Variants in E2F6 observed in about 807,000 individuals in gnomAD.
The protein encoded by E2F6 is E2F transcription factor 6.
E2F6 carries 19 observed loss-of-function variants against 31.5 expected under a neutral mutation model. That is an observed-to-expected ratio of 0.60 (90% CI 0.42 to 0.89). The LOEUF (loss-of-function observed/expected upper bound fraction) is 0.89, where lower values mean the gene tolerates loss of function less well. E2F6 is among the 40% of genes least tolerant of loss of function. The pLI, the probability that E2F6 is intolerant of heterozygous loss-of-function variation, is 0.00. For synonymous variants in E2F6, 121 were observed against 127.7 expected (o/e 0.95, Z 0.36); for missense variants, 269 against 341.6 (o/e 0.79, Z 1.67).
intron 1 of E2F6, among the ~76,000 whole-genome samples, chr2:11,464,669 C>T (rs926051264): frequency 2.0e-5 from 3 of 152,002 alleles, no homozygotes; most frequent in East Asian, 3.9e-4. Flanking sequence ...TGGAGTTAGA[C>T]ATTTGGAGCT....
intron 2 of E2F6, among the ~76,000 whole-genome samples, chr2:11,454,636 G>C (rs1435378515): frequency 6.6e-6 from 1 of 151,954 alleles, no homozygotes; most frequent in African/African-American, 2.4e-5. Flanking sequence ...GGCATTAAGA[G>C]CCACCGCGGC....
chr2:11,446,635 G>C, intron 6 of E2F6, 112 bp from the exon 7 acceptor site: 2 of 870,234 alleles, frequency 2.3e-6, no homozygotes, highest in South Asian at 3.2e-5. Context: ...AAACCCTGAA[G>C]ATGCCTGGTC....
chr2:11,457,288 A>T lies in E2F6; in HGVS notation c.109-55T>A, dbSNP rs903722099. ...GTGATTTTAAAACAACAATGCAAAC[A>T]AATAGCATTTTACTCAATAGTATAA... On this transcript the variant is annotated intron_variant, in intron 1 of 6. Coordinates refer to ENST00000381525, the MANE Select transcript of E2F6 (RefSeq NM_198256.4). The T allele has an allele frequency of 4.6e-6, 5 of 1,098,852 alleles. No individual in the cohort carries two copies. In the East Asian group the frequency reaches 1.2e-4, roughly 26 times the overall value. The allele number at this position is 1,098,852 out of a possible 1,614,324, so 68.1% of individuals were successfully genotyped here.
At chr2:11,455,385 ATTTAG>A (rs1431015017) in intron 2 of E2F6, 3 of 1,257,586 alleles carry the variant, frequency 2.4e-6, no homozygotes, top group East Asian at 5.6e-5. Context: ...ACAATGTCAC[ATTTAG>A]TTTAAAGACC....
chr2:11,453,272 G>C (rs891829844), intron 3 of E2F6, among the ~76,000 whole-genome samples: 1 of 151,852 alleles, frequency 6.6e-6, no homozygotes, highest in African/African-American at 2.4e-5. Flanking sequence ...CTTTCCCTCA[G>C]ACCTACCGAA....
At position 11,453,801 on chromosome 2, in the gene E2F6, G is replaced by A; in HGVS notation, c.164-3C>T. The A allele has an allele frequency of 8.7e-6, 14 of 1,606,924 alleles. No individual in the cohort carries two copies. The highest frequency in any genetic ancestry group is 1.2e-5 in the Non-Finnish European group (14 of 1,176,840). On this transcript the variant is annotated splice_polypyrimidine_tract_variant and splice_region_variant and intron_variant, in intron 2 of 6. Coordinates refer to ENST00000381525, the MANE Select transcript of E2F6 (RefSeq NM_198256.4). The stretch of plus-strand genomic sequence containing the variant: ...AGGTCTCTTCACTTTTAGAGCTTCT[G>A]GGAAACAAAATAAACATATTTGTAA...
intron 1 of E2F6, chr2:11,458,138 G>T: frequency 1.3e-6 from 1 of 755,022 alleles, no homozygotes; most frequent in Non-Finnish European, 2.3e-6. Context: ...ATGTTAATGT[G>T]CCTCCAGACA....
chr2:11,448,557 T>C (rs1670865973), intron 5 of E2F6, among the ~76,000 whole-genome samples: 2 of 152,208 alleles, frequency 1.3e-5, no homozygotes, highest in South Asian at 4.1e-4. Context: ...TCAGACGGTC[T>C]CAGAGCCTCA....
intron 6 of E2F6, 33 bp downstream of exon 6, chr2:11,447,594 T>G: frequency 2.5e-6 from 4 of 1,604,880 alleles, no homozygotes; most frequent in Non-Finnish European, 3.4e-6. Context: ...GCATGCTTAA[T>G]TAAAATACTG....
intron 1 of E2F6, among the ~76,000 whole-genome samples, chr2:11,465,309 G>A (rs1418824925): frequency 2.6e-5 from 4 of 152,138 alleles, no homozygotes; most frequent in Non-Finnish European, 4.4e-5. Context: ...TGCAGGAAAG[G>A]GAGCCAAATT....
chr2:11,458,212 T>A, intron 1 of E2F6: 1 of 1,528,098 alleles, frequency 6.5e-7, no homozygotes, highest in Admixed American at 2.0e-5. Context: ...CTGGGGCAAG[T>A]GAATTCATAG....
At chr2:11,453,329 G>A (rs959892399) in intron 3 of E2F6, among the ~76,000 whole-genome samples, 1 of 152,114 alleles carries the variant, frequency 6.6e-6, no homozygotes, top group Non-Finnish European at 1.5e-5. Context: ...CTACACTTCT[G>A]TGTGAAAACC....
At chr2:11,456,333 A>G (rs1349587918) in intron 2 of E2F6, among the ~76,000 whole-genome samples, 4 of 152,296 alleles carry the variant, frequency 2.6e-5, no homozygotes, top group Non-Finnish European at 4.4e-5. Flanking sequence ...CAGGTTGGAA[A>G]GCCTGGAAGC....
intron 1 of E2F6, among the ~76,000 whole-genome samples, chr2:11,459,196 G>C (rs926245673): frequency 6.6e-6 from 1 of 152,060 alleles, no homozygotes; most frequent in Admixed American, 6.6e-5. Flanking sequence ...TGCTGCAGAG[G>C]TTCCCGTTCT....
rs1672147452 is a variant in E2F6 at position 11,465,698 on chromosome 2, T to C, written c.108+74A>G. On this transcript the variant is annotated intron_variant, in intron 1 of 6. Transcript: ENST00000381525. Reference sequence around the variant, plus strand: ...ACGACCCAGACGACGGCCAGCGGGGTTGGCGGCGGCGCGGGGAGGAGGGGG... The same window carrying C: ...ACGACCCAGACGACGGCCAGCGGGGCTGGCGGCGGCGCGGGGAGGAGGGGG... 5 of 1,484,440 alleles carry C rather than the reference T, an allele frequency of 3.4e-6. No individual in the cohort carries two copies. The Admixed American group carries it at 7.9e-5, about 24-fold the overall frequency. The allele number at this position is 1,484,440 out of a possible 1,614,324, so 92.0% of individuals were successfully genotyped here.
At chr2:11,447,807 T>C in intron 5 of E2F6, 33 bp from the exon 6 acceptor site, 1 of 1,589,442 alleles carries the variant, frequency 6.3e-7, no homozygotes, top group Non-Finnish European at 8.5e-7. Flanking sequence ...TCAAGATGAA[T>C]GAAATAATAA....
In E2F6 at chr2:11,464,320, C is replaced by T. The variant is rs574825702; in HGVS notation, c.108+1452G>A. On this transcript the variant is annotated intron_variant, in intron 1 of 6. Transcript: ENST00000381525. ...ACGAGGTCAGGAGATTGAGACCATC[C>T]TGGCTTACACGGTGAAACCCCATCT... Among the ~76,000 whole-genome samples the T allele has an allele frequency of 7.9e-5, 12 of 151,834 alleles. No individual in the cohort carries two copies. In the South Asian group the frequency reaches 2.5e-3, roughly 32 times the overall value.
At chr2:11,455,119 A>G (rs1027844568) in intron 2 of E2F6, among the ~76,000 whole-genome samples, 1 of 152,222 alleles carries the variant, frequency 6.6e-6, no homozygotes, top group Non-Finnish European at 1.5e-5. Context: ...GGTTCTATCC[A>G]TTCTATGCAG....
Position 11,446,033 on chromosome 2 carries a change from A to G in E2F6, c.*444T>C, listed in dbSNP as rs1472912394. 1 of 158,624 alleles carries G rather than the reference A, an allele frequency of 6.3e-6. No homozygotes were observed. 9.8% of individuals were successfully genotyped at this position (158,624 alleles called of 1,614,324 possible). ...ATCTCAACATTATACAGATATATAC[A>G]AAGACATCACATTTAAATTCGTGTG... On this transcript the variant is annotated 3_prime_UTR_variant, in exon 7 of 7. Coordinates refer to ENST00000381525, the MANE Select transcript of E2F6 (RefSeq NM_198256.4).
Sources: gnomAD v4.1 joint callset for allele counts (sites outside exome capture counted in the v4.1 genomes callset) on GRCh38, gnomAD v4.1.1 for gene constraint, MANE v1.5 for transcripts, NCBI Gene and HGNC (gene_info 2026-07-23, HGNC 2026-07-21) for gene names.